EYA1: variants seen among roughly 807,000 people sequenced by gnomAD.
EYA1 encodes the protein protein phosphatase EYA1.
A neutral mutation model predicts 82.0 loss-of-function variants in EYA1; 16 were observed. The ratio of observed to expected loss-of-function variants is 0.20; its 90% CI spans 0.13 to 0.30. The LOEUF (loss-of-function observed/expected upper bound fraction) is 0.30, where lower values mean the gene tolerates loss of function less well. Ranked by LOEUF, EYA1 falls within the 10% of genes least tolerant of loss-of-function variation. The pLI, the probability that EYA1 is intolerant of heterozygous loss-of-function variation, is 1.00. For synonymous variants in EYA1, 261 were observed against 264.4 expected (o/e 0.99, Z 0.12); for missense variants, 633 against 730.7 (o/e 0.87, Z 1.54).
intron 2 of EYA1, among the ~76,000 whole-genome samples, chr8:71,528,322 G>T (rs1190244138): frequency 1.3e-5 from 2 of 152,204 alleles, no homozygotes; most frequent in African/African-American, 2.4e-5. Flanking sequence ...TTTACTGAGT[G>T]CAGGTAGAGG....
chr8:71,516,008 T>C (rs1015354219), intron 2 of EYA1, among the ~76,000 whole-genome samples: 13 of 152,138 alleles, frequency 8.5e-5, no homozygotes, highest in African/African-American at 2.2e-4. Flanking sequence ...TTAACAGATA[T>C]GTAAACATAA....
At chr8:71,250,028 T>G (rs1813557916) in intron 11 of EYA1, among the ~76,000 whole-genome samples, 1 of 152,006 alleles carries the variant, frequency 6.6e-6, no homozygotes, top group Non-Finnish European at 1.5e-5. Flanking sequence ...CATTGTTCTT[T>G]GCTTTCTTGT....
intron 1 of EYA1, among the ~76,000 whole-genome samples, chr8:71,544,199 C>T (rs772501332): frequency 2.1e-4 from 32 of 152,166 alleles, no homozygotes; most frequent in Non-Finnish European, 3.2e-4. Flanking sequence ...TTCAAGAAAT[C>T]GGTCTCCCCT....
intron 1 of EYA1, among the ~76,000 whole-genome samples, chr8:71,542,847 T>C (rs1815254414): frequency 6.6e-6 from 1 of 152,262 alleles, no homozygotes; most frequent in South Asian, 2.1e-4. Flanking sequence ...GATTTTTGGC[T>C]ACATGTATGT....
intron 2 of EYA1, among the ~76,000 whole-genome samples, chr8:71,492,041 C>CTA (rs1483994007): frequency 6.6e-6 from 1 of 152,158 alleles, no homozygotes; most frequent in East Asian, 1.9e-4. Context: ...CCTGCAGGAA[C>CTA]TATGATCCTA....
At chr8:71,214,677 T>C (rs1333086642) in intron 16 of EYA1, among the ~76,000 whole-genome samples, 1 of 152,186 alleles carries the variant, frequency 6.6e-6, no homozygotes, top group Admixed American at 6.5e-5. Flanking sequence ...ATTTGTAAAA[T>C]GGAAAGATTA....
intron 2 of EYA1, among the ~76,000 whole-genome samples, chr8:71,464,130 C>G (rs1808610940): frequency 6.6e-6 from 1 of 152,094 alleles, no homozygotes; most frequent in Non-Finnish European, 1.5e-5. Flanking sequence ...CCCTATTACC[C>G]TCCTCAGGCG....
chr8:71,345,458 T>C (rs1182509885), intron 3 of EYA1, among the ~76,000 whole-genome samples: 1 of 152,204 alleles, frequency 6.6e-6, no homozygotes, highest in Admixed American at 6.5e-5. Context: ...AACTAGTAAG[T>C]GGCAGAGCTT....
chr8:71,204,814 A>AAT (rs1179058750), intron 17 of EYA1, among the ~76,000 whole-genome samples: 2 of 152,262 alleles, frequency 1.3e-5, no homozygotes, highest in Non-Finnish European at 2.9e-5. Context: ...ACTTATTATG[A>AAT]AACTTATTGT....
chr8:71,533,997 CT>C (rs778390422), intron 2 of EYA1, among the ~76,000 whole-genome samples: 9 of 152,282 alleles, frequency 5.9e-5, no homozygotes, highest in East Asian at 5.8e-4. Flanking sequence ...TTCTTTTAAT[CT>C]TTACATTTCT....
chr8:71,322,168 T>C, intron 5 of EYA1, 31 bp downstream of exon 5: 1 of 1,555,308 alleles, frequency 6.4e-7, no homozygotes, highest in Non-Finnish European at 8.9e-7. Context: ...TCAGAGAAGT[T>C]ATTTATTGAT....
rs539289468 is a variant in EYA1 at position 71,507,780 on chromosome 8, T to C, written c.33+27964A>G. Among the ~76,000 whole-genome samples the C allele has an allele frequency of 1.2e-3, 178 of 152,276 alleles. 1 individual carries two copies. Among genetic ancestry groups the C allele is most frequent in the African/African-American group, 4.0e-3 (166 of 41,550 alleles). ...AGTGGGTATAGTGTGCTATCTTTTG[T>C]GTAGAGAAAAGGAATAAGAATATGC... is the stretch of plus-strand genomic sequence containing the variant. On this transcript the variant is annotated intron_variant, in intron 2 of 18. Coordinates refer to the EYA1 transcript ENST00000643681.
chr8:71,232,215 C>G (rs1352762368), intron 12 of EYA1, among the ~76,000 whole-genome samples: 1 of 152,170 alleles, frequency 6.6e-6, no homozygotes, highest in African/African-American at 2.4e-5. Context: ...TGCTTTTGTA[C>G]TGACATGAGA....
chr8:71,481,141 C>T (rs1810121466), intron 2 of EYA1, among the ~76,000 whole-genome samples: 2 of 152,034 alleles, frequency 1.3e-5, no homozygotes, highest in Admixed American at 1.3e-4. Flanking sequence ...AGAAAACACA[C>T]AGATTTTACT....
chr8:71,283,033 A>C, intron 9 of EYA1, among the ~76,000 whole-genome samples: 1 of 149,504 alleles, frequency 6.7e-6, no homozygotes, highest in Admixed American at 6.8e-5. Context: ...GCTTCTGCTT[A>C]AACACTGCTC....
At chr8:71,404,461 C>T (rs80065887) in intron 2 of EYA1, 1 of 152,142 alleles carries the variant, frequency 6.6e-6, no homozygotes, top group Non-Finnish European at 1.5e-5. Context: ...TAGATATTCA[C>T]ATATGCAAAT....
intron 11 of EYA1, among the ~76,000 whole-genome samples, chr8:71,257,696 A>G (rs1814607275): frequency 6.6e-6 from 1 of 152,230 alleles, no homozygotes; most frequent in Non-Finnish European, 1.5e-5. Flanking sequence ...GTTCTTTTCC[A>G]GGAACCCAGA....
intron 2 of EYA1, among the ~76,000 whole-genome samples, chr8:71,524,726 G>A (rs1454826731): frequency 1.3e-5 from 2 of 152,112 alleles, no homozygotes; most frequent in East Asian, 3.8e-4. Context: ...AAGAATGGGC[G>A]AGTGAATGTC....
At chr8:71,381,107 A>G (rs143448579) in intron 2 of EYA1, among the ~76,000 whole-genome samples, 1 of 152,354 alleles carries the variant, frequency 6.6e-6, no homozygotes, top group African/African-American at 2.4e-5. Flanking sequence ...GCTCGAATCC[A>G]TAAAGCAGCT....
Sources: allele counts gnomAD v4.1 joint callset (sites outside exome capture counted in the v4.1 genomes callset), GRCh38; gene constraint gnomAD v4.1.1; transcripts MANE v1.5; gene names NCBI Gene and HGNC (gene_info 2026-07-23, HGNC 2026-07-21).